EXT1: variants seen among roughly 807,000 people sequenced by gnomAD.
The protein encoded by EXT1 is exostosin-1.
EXT1 carries 20 observed loss-of-function variants against 82.5 expected under a neutral mutation model. That is an observed-to-expected ratio of 0.24 (90% CI 0.17 to 0.35). The LOEUF (loss-of-function observed/expected upper bound fraction) is 0.35, where lower values mean the gene tolerates loss of function less well. Ranked by LOEUF, EXT1 falls within the 10% of genes least tolerant of loss-of-function variation. The pLI is 1.00. For synonymous variants in EXT1, 348 were observed against 350.8 expected (o/e 0.99, Z 0.09); for missense variants, 757 against 936.5 (o/e 0.81, Z 2.50).
At chr8:117,893,460 C>G (rs370354302) in intron 1 of EXT1, among the ~76,000 whole-genome samples, 1 of 151,934 alleles carries the variant, frequency 6.6e-6, no homozygotes, top group Non-Finnish European at 1.5e-5. Flanking sequence ...GAGAATGGCA[C>G]GAAGAAACAA....
chr8:118,073,295 T>C (rs898180485), intron 1 of EXT1, among the ~76,000 whole-genome samples: 2 of 152,188 alleles, frequency 1.3e-5, no homozygotes, highest in Non-Finnish European at 2.9e-5. Flanking sequence ...CCTCCATCGG[T>C]GAAGCATGCT....
At chr8:117,850,353 A>C (rs1319703231) in intron 1 of EXT1, among the ~76,000 whole-genome samples, 1 of 152,214 alleles carries the variant, frequency 6.6e-6, no homozygotes, top group East Asian at 1.9e-4. Context: ...TGGTATCACA[A>C]ACTGCCTTCC....
In EXT1 at chr8:117,861,524, T is replaced by TAACAACGCCCAC. The variant is rs1342457484; in HGVS notation, c.963-24324_963-24323insGTGGGCGTTGTT. Among the ~76,000 whole-genome samples, 1,005 of 106,762 alleles carry TAACAACGCCCAC rather than the reference T, an allele frequency of 9.4e-3. 11 individuals carry two copies. Among genetic ancestry groups the TAACAACGCCCAC allele is most frequent in the Non-Finnish European group, 0.015 (686 of 44,278 alleles). The allele number at this position is 106,762 out of a possible 152,430, so 70.0% of individuals were successfully genotyped here. ...TTTTTTTTTTTTTTGAGATAGAGTC[T>TAACAACGCCCAC]TGCTCTGTCACCCAGGCTGGAGGGC... On this transcript the variant is annotated intron_variant, in intron 1 of 10. Transcript: ENST00000378204.
intron 1 of EXT1, among the ~76,000 whole-genome samples, chr8:117,885,532 T>C (rs933001302): frequency 1.3e-5 from 2 of 148,750 alleles, no homozygotes; most frequent in Non-Finnish European, 3.0e-5. Context: ...AAATCTAGAA[T>C]GTCATCTTTG....
intron 1 of EXT1, among the ~76,000 whole-genome samples, chr8:117,871,935 G>A (rs1812880380): frequency 6.6e-6 from 1 of 152,030 alleles, no homozygotes. Context: ...GACCAGCCTA[G>A]GCAACATAGC....
At chr8:118,016,795 A>G (rs1816012495) in intron 1 of EXT1, among the ~76,000 whole-genome samples, 1 of 152,206 alleles carries the variant, frequency 6.6e-6, no homozygotes, top group South Asian at 2.1e-4. Context: ...TCCCAAAATC[A>G]TCAATACTCA....
chr8:117,922,864 C>T (rs886471302), intron 1 of EXT1, among the ~76,000 whole-genome samples: 1 of 152,184 alleles, frequency 6.6e-6, no homozygotes, highest in Non-Finnish European at 1.5e-5. Context: ...GTTTCCATTG[C>T]TTTCTGCAAA....
chr8:118,080,202 G>C (rs919988160), intron 1 of EXT1, among the ~76,000 whole-genome samples: 11 of 152,172 alleles, frequency 7.2e-5, no homozygotes, highest in African/African-American at 2.4e-4. Flanking sequence ...CAGATCATCT[G>C]TGTTTTCTGA....
intron 10 of EXT1, among the ~76,000 whole-genome samples, chr8:117,801,318 A>G (rs1323509378): frequency 2.7e-5 from 4 of 150,790 alleles, no homozygotes; most frequent in Non-Finnish European, 5.9e-5. Context: ...AGAAAGTTAG[A>G]GTTATTTGTT....
At chr8:117,890,117 TAACTTA>T (rs1813217583) in intron 1 of EXT1, among the ~76,000 whole-genome samples, 1 of 152,222 alleles carries the variant, frequency 6.6e-6, no homozygotes, top group Non-Finnish European at 1.5e-5. Flanking sequence ...GTAAGAATAG[TAACTTA>T]TTTCAGTGGT....
chr8:117,826,800 T>G (rs1443824296), intron 4 of EXT1, among the ~76,000 whole-genome samples: 1 of 152,010 alleles, frequency 6.6e-6, no homozygotes, highest in Non-Finnish European at 1.5e-5. Context: ...CCCAAAACTG[T>G]GTTGCTAAAA....
rs17450487 is a variant in EXT1, at chr8:117,818,652, C to T, written c.1537-122G>A. ...AGCTGGAAATCTCAGCAAGACAAAA[C>T]GGCAGACATCAAAACTGAGTTTTAA... On this transcript the variant is annotated intron_variant, in intron 6 of 10. Coordinates refer to ENST00000378204, the MANE Select transcript of EXT1 (RefSeq NM_000127.3). The T allele has an allele frequency of 4.6e-5, 37 of 802,240 alleles. No individual in the cohort carries two copies. The East Asian group carries it at 4.7e-4, about 10-fold the overall frequency. 49.7% of individuals were successfully genotyped at this position (802,240 alleles called of 1,614,324 possible).
At chr8:117,850,219 C>G (rs1046659233) in intron 1 of EXT1, among the ~76,000 whole-genome samples, 2 of 152,178 alleles carry the variant, frequency 1.3e-5, no homozygotes, top group Non-Finnish European at 2.9e-5. Flanking sequence ...TCAAGTAAAA[C>G]TTGGCATCAA....
chr8:117,973,986 GAAAT>G (rs1447517182), intron 1 of EXT1, among the ~76,000 whole-genome samples: 9 of 149,528 alleles, frequency 6.0e-5, no homozygotes, highest in Non-Finnish European at 1.2e-4. Flanking sequence ...AGGAAGGAAG[GAAAT>G]AAATGTCTTT....
chr8:118,011,606 T>A (rs1815901546), intron 1 of EXT1, among the ~76,000 whole-genome samples: 1 of 152,196 alleles, frequency 6.6e-6, no homozygotes, highest in African/African-American at 2.4e-5. Context: ...AAACTGAGGT[T>A]CACAGATACA....
rs756319513 is a variant in EXT1 at position 118,085,797 on chromosome 8, T to C, written c.962+24288A>G. Among the ~76,000 whole-genome samples the C allele has an allele frequency of 1.3e-3, 194 of 152,132 alleles. 1 individual carries two copies. Among genetic ancestry groups the C allele is most frequent in the Non-Finnish European group, 8.1e-4 (55 of 67,972 alleles). On this transcript the variant is annotated intron_variant, in intron 1 of 10. Transcript: ENST00000378204. ...TTGCAGAGCCTTGAAAAAGAAAAGC[T>C]TAATCCACTCTGCATTTTCACAAGC...
chr8:117,897,591 C>CTCTTTTTTTTTTTTTTTTTTTTTTTTTTT (rs775608794), intron 1 of EXT1, among the ~76,000 whole-genome samples: 1 of 90,656 alleles, frequency 1.1e-5, no homozygotes, highest in African/African-American at 4.4e-5. Context: ...CTTCTTTTCT[C>CTCTTTTTTTTTTTTTTTTTTTTTTTTTTT]TTTTTTTTTT....
At chr8:117,809,353 G>A (rs1823285894) in intron 8 of EXT1, among the ~76,000 whole-genome samples, 2 of 150,650 alleles carry the variant, frequency 1.3e-5, no homozygotes, top group African/African-American at 4.9e-5. Flanking sequence ...ACATCCACAC[G>A]GGGCCAGGCA....
At chr8:118,060,204 T>C (rs1191861843) in intron 1 of EXT1, among the ~76,000 whole-genome samples, 1 of 152,210 alleles carries the variant, frequency 6.6e-6, no homozygotes, top group Non-Finnish European at 1.5e-5. Flanking sequence ...AAATCTTTCC[T>C]AGATTCCCTT....
Sources: allele counts gnomAD v4.1 joint callset (sites outside exome capture counted in the v4.1 genomes callset), GRCh38; gene constraint gnomAD v4.1.1; transcripts MANE v1.5; gene names NCBI Gene and HGNC (gene_info 2026-07-23, HGNC 2026-07-21).